RAB38: variants seen among roughly 807,000 people sequenced by gnomAD.
RAB38 encodes the protein RAB38, member RAS oncogene family.
RAB38 carries 15 observed loss-of-function variants against 18.4 expected under a neutral mutation model. That is an observed-to-expected ratio of 0.82 (90% CI 0.55 to 1.26). The LOEUF is 1.26. Ranked by LOEUF, RAB38 falls within the 50% of genes most tolerant of loss-of-function variation. The pLI, the probability that RAB38 is intolerant of heterozygous loss-of-function variation, is 0.00. For synonymous variants in RAB38, 101 were observed against 104.4 expected (o/e 0.97, Z 0.20); for missense variants, 294 against 267.4 (o/e 1.10, Z -0.69).
the RAB38 span, among the ~76,000 whole-genome samples, chr11:87,845,451 CAAAG>C: frequency 6.6e-6 from 1 of 151,870 alleles, no homozygotes; most frequent in Non-Finnish European, 1.5e-5. Context: ...ACATCCAAAA[CAAAG>C]AATGCACTGG....
downstream of RAB38, among the ~76,000 whole-genome samples, chr11:88,109,515 A>G (rs1266936969): frequency 6.6e-6 from 1 of 152,238 alleles, no homozygotes; most frequent in Non-Finnish European, 1.5e-5. Flanking sequence ...GCCAAAATTG[A>G]CAAATGGGAT....
the RAB38 span, among the ~76,000 whole-genome samples, chr11:88,037,300 T>C: frequency 2.0e-5 from 3 of 152,080 alleles, no homozygotes; most frequent in East Asian, 3.8e-4. Context: ...CTCTGCAGCA[T>C]TTCATTTTGT....
chr11:88,067,946 T>TACATATATATACACACACACATATATAC, the RAB38 span, among the ~76,000 whole-genome samples: 1 of 146,774 alleles, frequency 6.8e-6, no homozygotes, highest in Non-Finnish European at 1.5e-5. Context: ...CACATATATA[T>TACATATATATACACACACACATATATAC]ACATATATAT....
chr11:88,023,164 AT>A, the RAB38 span, among the ~76,000 whole-genome samples: 3 of 152,172 alleles, frequency 2.0e-5, no homozygotes, highest in African/African-American at 7.2e-5. Flanking sequence ...GTTAAAAAAA[AT>A]GAGAGAAAAA....
At chr11:87,855,087 G>A in the RAB38 span, among the ~76,000 whole-genome samples, 4,461 of 152,154 alleles carry the variant, frequency 0.029, 140 homozygotes, top group African/African-American at 0.077. Context: ...GAGCCACCGC[G>A]CCTGGCCTAT....
chr11:87,976,078 C>T, the RAB38 span, among the ~76,000 whole-genome samples: 4 of 150,202 alleles, frequency 2.7e-5, no homozygotes, highest in Non-Finnish European at 4.5e-5. Flanking sequence ...AAATTTCCCC[C>T]TCAAAAAAGT....
the RAB38 span, among the ~76,000 whole-genome samples, chr11:87,926,904 T>C: frequency 6.6e-6 from 1 of 152,006 alleles, no homozygotes; most frequent in East Asian, 1.9e-4. Flanking sequence ...TGATGCATTC[T>C]AGAATAGCAA....
chr11:88,092,102 G>C, the RAB38 span, among the ~76,000 whole-genome samples: 1 of 151,598 alleles, frequency 6.6e-6, no homozygotes, highest in Non-Finnish European at 1.5e-5. Flanking sequence ...AGGGGAGGTA[G>C]GGATTACTTT....
chr11:87,856,167 C>T, the RAB38 span, among the ~76,000 whole-genome samples: 62 of 152,260 alleles, frequency 4.1e-4, no homozygotes, highest in African/African-American at 1.3e-3. Flanking sequence ...GAGGGTTATA[C>T]GTCCTGATCT....
the RAB38 span, among the ~76,000 whole-genome samples, chr11:87,891,186 A>G: frequency 6.6e-6 from 1 of 151,918 alleles, no homozygotes; most frequent in African/African-American, 2.4e-5. Context: ...TGACCTTAGC[A>G]AGTCTGCTTT....
the RAB38 span, among the ~76,000 whole-genome samples, chr11:88,015,172 G>GTACTCATCTATC: frequency 5.3e-5 from 8 of 151,962 alleles, no homozygotes; most frequent in Non-Finnish European, 8.8e-5. Context: ...TCATGGGCTA[G>GTACTCATCTATC]TACTCATCTA....
At chr11:88,004,230 A>T in the RAB38 span, among the ~76,000 whole-genome samples, 2 of 150,412 alleles carry the variant, frequency 1.3e-5, no homozygotes, top group South Asian at 2.1e-4. Flanking sequence ...ATACAGATTT[A>T]AAAAGTCTTT....
chr11:87,872,927 G>A, the RAB38 span, among the ~76,000 whole-genome samples: 1 of 151,568 alleles, frequency 6.6e-6, no homozygotes, highest in Non-Finnish European at 1.5e-5. Context: ...ATTTATGTGT[G>A]ACTTGTGTAT....
the RAB38 span, among the ~76,000 whole-genome samples, chr11:87,949,164 A>C: frequency 6.6e-6 from 1 of 152,186 alleles, no homozygotes; most frequent in African/African-American, 2.4e-5. Context: ...TAGATTTTCT[A>C]GTTTATTTGC....
At chr11:87,943,640 C>A in the RAB38 span, among the ~76,000 whole-genome samples, 1 of 151,994 alleles carries the variant, frequency 6.6e-6, no homozygotes, top group Non-Finnish European at 1.5e-5. Flanking sequence ...AGAGGATTCA[C>A]CATACTTAGG....
the RAB38 span, among the ~76,000 whole-genome samples, chr11:87,922,066 A>G: frequency 6.6e-6 from 1 of 152,034 alleles, no homozygotes; most frequent in African/African-American, 2.4e-5. Flanking sequence ...CCAAGTGAGA[A>G]TTTTAAATAG....
the RAB38 span, among the ~76,000 whole-genome samples, chr11:88,052,394 C>A: frequency 1.3e-5 from 2 of 152,068 alleles, no homozygotes; most frequent in African/African-American, 2.4e-5. Context: ...ATTAATAATG[C>A]CTGAAAACCT....
At chr11:88,079,528 G>A in the RAB38 span, among the ~76,000 whole-genome samples, 1 of 151,728 alleles carries the variant, frequency 6.6e-6, no homozygotes, top group Non-Finnish European at 1.5e-5. Context: ...AGAATTTGAA[G>A]AAGATGGAAT....
chr11:88,009,816 G>C, the RAB38 span, among the ~76,000 whole-genome samples: 2 of 152,070 alleles, frequency 1.3e-5, no homozygotes, highest in Non-Finnish European at 2.9e-5. Context: ...TTTTGTCTGT[G>C]CTCTTTATAT....
Sources: gnomAD v4.1 joint callset for allele counts (sites outside exome capture counted in the v4.1 genomes callset) on GRCh38, gnomAD v4.1.1 for gene constraint, MANE v1.5 for transcripts, NCBI Gene and HGNC (gene_info 2026-07-23, HGNC 2026-07-21) for gene names.